PTN: variants seen among roughly 807,000 people sequenced by gnomAD.
PTN encodes heparin affin regulatory protein.
Under a neutral mutation model 24.1 loss-of-function variants are expected in PTN, and 18 were observed. The observed-to-expected ratio is 0.75, with a 90% CI of 0.52 to 1.11. PTN has a LOEUF of 1.11. Among genes scored for constraint, PTN ranks in the 50% least tolerant of loss-of-function variants. The pLI is 0.00. For synonymous variants in PTN, 78 were observed against 68.6 expected (o/e 1.14, Z -0.67); for missense variants, 163 against 198.8 (o/e 0.82, Z 1.08).
intron 1 of PTN, among the ~76,000 whole-genome samples, chr7:137,305,044 G>C (rs1170230759): frequency 6.6e-6 from 1 of 151,974 alleles, no homozygotes; most frequent in African/African-American, 2.4e-5. Context: ...CACAACATAA[G>C]AAAGTGACGC....
At chr7:137,322,390 G>T (rs1810177953) in intron 1 of PTN, among the ~76,000 whole-genome samples, 1 of 152,142 alleles carries the variant, frequency 6.6e-6, no homozygotes, top group African/African-American at 2.4e-5. Flanking sequence ...GAGTTCTGGA[G>T]TAATACACTT....
chr7:137,262,997 A>T (rs1809069967), intron 1 of PTN, among the ~76,000 whole-genome samples: 1 of 151,962 alleles, frequency 6.6e-6, no homozygotes, highest in African/African-American at 2.4e-5. Flanking sequence ...CTCGTCCCTC[A>T]TTTCCCCCCT....
chr7:137,278,190 C>T (rs929867805), intron 1 of PTN, among the ~76,000 whole-genome samples: 1 of 149,750 alleles, frequency 6.7e-6, no homozygotes, highest in African/African-American at 2.5e-5. Flanking sequence ...GCCTGTAGTC[C>T]CAGCTACTCG....
At chr7:137,299,035 G>T (rs1022127644) in intron 1 of PTN, among the ~76,000 whole-genome samples, 1 of 151,884 alleles carries the variant, frequency 6.6e-6, no homozygotes, top group Non-Finnish European at 1.5e-5. Context: ...TACCCCTGGG[G>T]TTTAATGAAA....
chr7:137,294,233 G>T (rs2128877620), intron 1 of PTN, among the ~76,000 whole-genome samples: 1 of 152,160 alleles, frequency 6.6e-6, no homozygotes, highest in Middle Eastern at 3.4e-3. Context: ...TCTAGCCATA[G>T]CTCGGGTGTT....
intron 1 of PTN, among the ~76,000 whole-genome samples, chr7:137,293,292 T>G (rs1193922871): frequency 2.0e-5 from 3 of 152,140 alleles, no homozygotes; most frequent in African/African-American, 7.2e-5. Flanking sequence ...TCCTACTTCC[T>G]GACTGACGGG....
At chr7:137,268,311 G>A (rs1160951697) in intron 1 of PTN, among the ~76,000 whole-genome samples, 1 of 152,050 alleles carries the variant, frequency 6.6e-6, no homozygotes, top group Admixed American at 6.5e-5. Context: ...TGCCTGGACC[G>A]TCCATTACTC....
chr7:137,292,209 G>C (rs1485532377), intron 1 of PTN, among the ~76,000 whole-genome samples: 1 of 152,114 alleles, frequency 6.6e-6, no homozygotes, highest in African/African-American at 2.4e-5. Flanking sequence ...TCAAGTCCCT[G>C]ATATAAACCA....
rs183373758 is a variant in PTN at position 137,244,635 on chromosome 7, G to T, written c.451+6595C>A. On this transcript the variant is annotated intron_variant, in intron 4 of 4. Coordinates refer to ENST00000348225, the MANE Select transcript of PTN (RefSeq NM_002825.7). ...TATGAGTGAGAACATGCGATGTTTG[G>T]TTTTTTTTGTCCTTGCAATAGTTTG... is the stretch of plus-strand genomic sequence containing the variant. Among the ~76,000 whole-genome samples the T allele has an allele frequency of 3.7e-3, 560 of 150,968 alleles. 5 individuals are homozygous for T. Among genetic ancestry groups the T allele is most frequent in the African/African-American group, 0.013 (528 of 41,084 alleles).
intron 1 of PTN, among the ~76,000 whole-genome samples, chr7:137,324,433 A>AAAAAAAATATATATATATAT: frequency 1.1e-5 from 1 of 88,802 alleles, no homozygotes; most frequent in African/African-American, 6.9e-5. Flanking sequence ...AAAAAAAAAA[A>AAAAAAAATATATATATATAT]ATATATATAT....
chr7:137,329,910 T>C (rs1179810190), intron 1 of PTN, among the ~76,000 whole-genome samples: 1 of 152,158 alleles, frequency 6.6e-6, no homozygotes, highest in Non-Finnish European at 1.5e-5. Context: ...TCAAAATTAA[T>C]ATAGTGACTT....
At chr7:137,312,998 G>A (rs1183605322) in intron 1 of PTN, among the ~76,000 whole-genome samples, 2 of 152,070 alleles carry the variant, frequency 1.3e-5, no homozygotes, top group African/African-American at 4.8e-5. Context: ...TTATTTATAT[G>A]TGGTTTTGTT....
intron 1 of PTN, among the ~76,000 whole-genome samples, chr7:137,338,900 G>A (rs1810490142): frequency 6.6e-6 from 1 of 152,134 alleles, no homozygotes; most frequent in Admixed American, 6.5e-5. Flanking sequence ...CTTCAGATCT[G>A]AGAATTTTCC....
chr7:137,334,860 G>T (rs1413996324), intron 1 of PTN, among the ~76,000 whole-genome samples: 1 of 151,964 alleles, frequency 6.6e-6, no homozygotes, highest in Non-Finnish European at 1.5e-5. Context: ...ATACTATGCA[G>T]CCATAAAAAA....
At position 137,227,417 on chromosome 7, in the gene PTN, A is replaced by G. The variant is rs527458668; in HGVS notation, c.*603T>C. ...ATGGAAAAATAATTTCATCAAGAAA[A>G]CAAATGCTTCTGCCAAAGTGAAAGA... On this transcript the variant is annotated 3_prime_UTR_variant, in exon 5 of 5. Coordinates refer to ENST00000348225, the MANE Select transcript of PTN (RefSeq NM_002825.7). The G allele has an allele frequency of 1.3e-5, 2 of 151,904 alleles. No homozygotes were observed. Among genetic ancestry groups the G allele is most frequent in the South Asian group, 4.1e-4 (2 of 4,826 alleles). 9.4% of individuals were successfully genotyped at this position (151,904 alleles called of 1,614,324 possible). A position where few individuals can be genotyped will look rare whatever the true frequency, so the allele number is the denominator to read the frequency against.
intron 4 of PTN, among the ~76,000 whole-genome samples, chr7:137,244,141 C>G (rs1243421799): frequency 1.3e-5 from 2 of 152,134 alleles, no homozygotes. Context: ...AAGTGTCCAA[C>G]ACAATTGTTC....
At chr7:137,297,780 A>G (rs1375027566) in intron 1 of PTN, among the ~76,000 whole-genome samples, 2 of 152,064 alleles carry the variant, frequency 1.3e-5, no homozygotes, top group Admixed American at 1.3e-4. Flanking sequence ...CATGAAGGTC[A>G]GCCTCCTGAT....
chr7:137,235,286 A>G (rs1808499274), intron 4 of PTN, among the ~76,000 whole-genome samples: 1 of 152,082 alleles, frequency 6.6e-6, no homozygotes, highest in Non-Finnish European at 1.5e-5. Flanking sequence ...ATCTAGAACT[A>G]CCTAATCCCT....
At chr7:137,253,722 A>G in intron 2 of PTN, 85 bp from the exon 3 acceptor site, 2 of 1,176,500 alleles carry the variant, frequency 1.7e-6, no homozygotes, top group Non-Finnish European at 2.2e-6. Flanking sequence ...GAGCACCTTA[A>G]TTGCAGGATC....
Sources: allele counts gnomAD v4.1 joint callset (sites outside exome capture counted in the v4.1 genomes callset), GRCh38; gene constraint gnomAD v4.1.1; transcripts MANE v1.5; gene names NCBI Gene and HGNC (gene_info 2026-07-23, HGNC 2026-07-21).